Variants in PIWIL3 observed in about 807,000 individuals in gnomAD.
The protein encoded by PIWIL3 is piwi-like protein 3.
Under a neutral mutation model 109.7 loss-of-function variants are expected in PIWIL3, and 101 were observed. The ratio of observed to expected loss-of-function variants is 0.92; its 90% confidence interval spans 0.78 to 1.09. The LOEUF (loss-of-function observed/expected upper bound fraction) is 1.09. Among genes scored for constraint, PIWIL3 ranks in the 50% least tolerant of loss-of-function variants. The probability of loss-of-function intolerance (pLI) is 0.00; values close to 1 mark genes in which losing one functional copy is unlikely to be tolerated. For synonymous variants in PIWIL3, 373 were observed against 376.4 expected (o/e 0.99, Z 0.10); for missense variants, 1,031 against 1,072.6 (o/e 0.96, Z 0.54).
intron 12 of PIWIL3, among the ~76,000 whole-genome samples, chr22:24,737,886 C>T (rs1923758743): frequency 6.6e-6 from 1 of 151,924 alleles, no homozygotes; most frequent in Non-Finnish European, 1.5e-5. Context: ...GGGGGCCGGG[C>T]GCGGTGGCTC....
At chr22:24,753,564 C>T in intron 8 of PIWIL3, among the ~76,000 whole-genome samples, 1 of 152,130 alleles carries the variant, frequency 6.6e-6, no homozygotes, top group East Asian at 1.9e-4. Context: ...TGTGAGTCCT[C>T]AAATTGTGTC....
At chr22:24,758,165 C>CA in intron 3 of PIWIL3, 126 bp from the exon 4 acceptor site, 1 of 1,154,530 alleles carries the variant, frequency 8.7e-7, no homozygotes, top group Non-Finnish European at 1.2e-6. Context: ...AAACACATTT[C>CA]CGTGATATGT....
intron 12 of PIWIL3, among the ~76,000 whole-genome samples, chr22:24,742,151 CAA>C (rs61071998): frequency 0.27 from 25,505 of 94,106 alleles, 2,479 homozygotes; most frequent in East Asian, 0.53. Context: ...ACAATAGCTG[CAA>C]AAAAAAAAAA....
chr22:24,741,362 G>A (rs753108684), intron 12 of PIWIL3, among the ~76,000 whole-genome samples: 5 of 152,052 alleles, frequency 3.3e-5, no homozygotes, highest in Non-Finnish European at 5.9e-5. Flanking sequence ...AAAATTAGCC[G>A]GGCCTGGTGG....
intron 2 of PIWIL3, 72 bp downstream of exon 2, chr22:24,762,326 C>A (rs1601850877): frequency 6.5e-7 from 1 of 1,534,834 alleles, no homozygotes; most frequent in East Asian, 2.3e-5. Flanking sequence ...CTTCGCTCAA[C>A]AACCAACTCT....
intron 14 of PIWIL3, among the ~76,000 whole-genome samples, chr22:24,731,403 A>G (rs1923339869): frequency 6.6e-6 from 1 of 152,264 alleles, no homozygotes; most frequent in Admixed American, 6.5e-5. Context: ...CTGTTATCCC[A>G]GCACTTTGGG....
At chr22:24,720,004 C>G in intron 19 of PIWIL3, 109 bp from the exon 20 acceptor site, 17 of 925,304 alleles carry the variant, frequency 1.8e-5, no homozygotes, top group Non-Finnish European at 2.6e-5. Context: ...AAAATCTATT[C>G]TATAGATTAA....
At chr22:24,727,297 G>T (rs1013960582) in intron 16 of PIWIL3, among the ~76,000 whole-genome samples, 1 of 152,180 alleles carries the variant, frequency 6.6e-6, no homozygotes, top group Admixed American at 6.5e-5. Flanking sequence ...TATGATAAAA[G>T]TTTTCCAAAT....
rs773614986 is a variant in PIWIL3 at position 24,731,649 on chromosome 22, C to CAA, written c.1707+2433_1707+2434dup. Among the ~76,000 whole-genome samples, 330 of 96,920 alleles carry CAA rather than the reference C, an allele frequency of 3.4e-3. 3 individuals carry two copies. The highest frequency in any genetic ancestry group is 0.012 in the African/African-American group (321 of 26,534). 63.6% of individuals were successfully genotyped at this position (96,920 alleles called of 152,430 possible). ...CTGGGCGACAGAGTGAGACTCCGTCCAAAAAAAAAAAAAAGAAAAGTTAAT... is the reference window on the plus strand; with the variant it reads ...CTGGGCGACAGAGTGAGACTCCGTCCAAAAAAAAAAAAAAAAGAAAAGTTAAT... On this transcript the variant is annotated intron_variant, in intron 14 of 20. Transcript: ENST00000616349.
chr22:24,761,415 A>G (rs1440956358), intron 2 of PIWIL3, among the ~76,000 whole-genome samples: 3 of 99,480 alleles, frequency 3.0e-5, no homozygotes, highest in Non-Finnish European at 6.8e-5. Context: ...GTGCCAACTA[A>G]AAGTGAAGAG....
At chr22:24,745,581 A>T (rs1924303617) in intron 12 of PIWIL3, among the ~76,000 whole-genome samples, 1 of 152,100 alleles carries the variant, frequency 6.6e-6, no homozygotes, top group Non-Finnish European at 1.5e-5. Flanking sequence ...CAAAAGCAAG[A>T]GCAAACCAAG....
chr22:24,730,715 A>G (rs1923301846), intron 14 of PIWIL3, among the ~76,000 whole-genome samples: 1 of 152,200 alleles, frequency 6.6e-6, no homozygotes, highest in South Asian at 2.1e-4. Flanking sequence ...AAAAAAATGA[A>G]AGGTTTAGAT....
intron 12 of PIWIL3, among the ~76,000 whole-genome samples, chr22:24,744,190 A>ATT (rs1370813840): frequency 1.0e-4 from 15 of 146,444 alleles, no homozygotes; most frequent in Non-Finnish European, 1.8e-4. Context: ...AAAAAAAAAA[A>ATT]AAAAAAAAAA....
chr22:24,741,349 C>T (rs1923997147), intron 12 of PIWIL3, among the ~76,000 whole-genome samples: 1 of 152,132 alleles, frequency 6.6e-6, no homozygotes, highest in Non-Finnish European at 1.5e-5. Context: ...CCTGTCTCTA[C>T]TAAAAATTAG....
At chr22:24,747,961 A>G (rs1356983862) in intron 12 of PIWIL3, among the ~76,000 whole-genome samples, 1 of 152,204 alleles carries the variant, frequency 6.6e-6, no homozygotes, top group Non-Finnish European at 1.5e-5. Context: ...AAATTAGGAT[A>G]TTGAAGAGAT....
intron 9 of PIWIL3, among the ~76,000 whole-genome samples, chr22:24,751,121 C>T (rs543097546): frequency 6.7e-6 from 1 of 148,644 alleles, no homozygotes; most frequent in African/African-American, 2.5e-5. Flanking sequence ...GAGACTCCAA[C>T]TCAAAAAAAA....
rs969449583 is a variant in PIWIL3 at position 24,751,389 on chromosome 22, G to T, written c.1087C>A (p.Gln363Lys). The change falls in exon 9 of 21, where the codon CAG becomes AAG. Residue 363 changes from glutamine (Q) to lysine (K), a missense_variant and splice_region_variant. Physicochemically the swap from Gln to Lys is moderately conservative, Grantham distance 53 (BLOSUM62 1). Transcript: ENST00000616349. The part of the protein sequence containing the change: ...SKITYIDYYR[Q>K]QHKEIVTVKK... Reference sequence around the variant, plus strand: ...TTTAAAGAAATACAGTTTCATACCTGCCTGTAGTAGTCTATATAGGTGATT... The same window carrying T: ...TTTAAAGAAATACAGTTTCATACCTTCCTGTAGTAGTCTATATAGGTGATT... The T allele has an allele frequency of 5.6e-6, 9 of 1,604,926 alleles. No homozygotes were observed. In the African/African-American group the frequency reaches 1.2e-4, roughly 22 times the overall value.
chr22:24,757,667 C>CACACATATATATAAAATATGTATATATT (rs1925153910), intron 4 of PIWIL3, among the ~76,000 whole-genome samples: 17 of 80,956 alleles, frequency 2.1e-4, no homozygotes, highest in African/African-American at 8.8e-4. Flanking sequence ...ATTACACACA[C>CACACATATATATAAAATATGTATATATT]ACACACACAC....
chr22:24,758,090 A>G, intron 3 of PIWIL3, 51 bp from the exon 4 acceptor site: 1 of 1,564,550 alleles, frequency 6.4e-7, no homozygotes, highest in Non-Finnish European at 8.7e-7. Context: ...GGAAGAATAG[A>G]AAAGACAGCA....
Sources: gnomAD v4.1 joint callset for allele counts (sites outside exome capture counted in the v4.1 genomes callset) on GRCh38, gnomAD v4.1.1 for gene constraint, MANE v1.5 for transcripts, NCBI Gene and HGNC (gene_info 2026-07-23, HGNC 2026-07-21) for gene names.